GNAQ: variants seen among roughly 807,000 people sequenced by gnomAD.
GNAQ encodes G protein subunit alpha q.
Under a neutral mutation model 43.9 loss-of-function variants are expected in GNAQ, and 8 were observed. The observed-to-expected ratio is 0.18, with a 90% CI of 0.11 to 0.33. The LOEUF (loss-of-function observed/expected upper bound fraction) is 0.33, where lower values mean the gene tolerates loss of function less well. GNAQ is among the 10% of genes least tolerant of loss of function. GNAQ has a pLI of 1.00. For synonymous variants in GNAQ, 155 were observed against 170.7 expected, an observed-to-expected ratio of 0.91 and a Z score of 0.71; for missense variants, 158 against 450.8, an observed-to-expected ratio of 0.35 and a Z score of 5.88.
At position 77,937,615 on chromosome 9, in the gene GNAQ, G is replaced by A. The variant is rs1042412829; in HGVS notation, c.137-15270C>T. Among the ~76,000 whole-genome samples, 4 of 151,490 alleles carry A rather than the reference G, an allele frequency of 2.6e-5. 1 individual carries two copies. The highest frequency in any genetic ancestry group is 2.1e-4 in the South Asian group (1 of 4,778). ...TCACACTACTTAGAAAAGCTTGGCC[G>A]GGCACAGTGGCTCACGCCTGTAATC... On this transcript the variant is annotated intron_variant, in intron 1 of 6. Transcript: ENST00000286548.
rs1827001688 is a variant in GNAQ, at chr9:77,815,703, T to C, written c.389A>G (p.Asp130Gly). The change falls in exon 3 of 7, where the codon GAT becomes GGT. Residue 130 changes from aspartate (D) to glycine (G), a missense_variant. Coordinates refer to ENST00000286548, the MANE Select transcript of GNAQ (RefSeq NM_002072.5). ...ATCATTCCATAAACTCTTTATTGCA[T>C]CTACATATGGATTCTCAAAAGCAGA... is the stretch of plus-strand genomic sequence containing the variant. The part of the protein sequence containing the change: ...KVSAFENPYV[D>G]AIKSLWNDPG... 1.9e-6 allele frequency: 3 copies of C among 1,597,234 alleles called. No individual in the cohort carries two copies. The highest frequency in any genetic ancestry group is 3.3e-5 in the Admixed American group (2 of 59,942).
In GNAQ at chr9:77,990,396, A is replaced by T. The variant is rs529831414; in HGVS notation, c.136+40704T>A. Among the ~76,000 whole-genome samples, 11 of 152,146 alleles carry T rather than the reference A, an allele frequency of 7.2e-5. No individual in the cohort carries two copies. The East Asian group carries it at 1.5e-3, about 21-fold the overall frequency. On this transcript the variant is annotated intron_variant, in intron 1 of 6. Coordinates refer to ENST00000286548, the MANE Select transcript of GNAQ (RefSeq NM_002072.5). ...CATTATGGCCCATTAATTTTTAAAAATTTTTTTGTAGAGACAAGTCTCACT... is the reference window on the plus strand; with the variant it reads ...CATTATGGCCCATTAATTTTTAAAATTTTTTTTGTAGAGACAAGTCTCACT...
chr9:77,790,864 C>T (rs1425106504), intron 5 of GNAQ, among the ~76,000 whole-genome samples: 1 of 152,172 alleles, frequency 6.6e-6, no homozygotes, highest in Non-Finnish European at 1.5e-5. Context: ...GATCTGTCCC[C>T]GCCACGGTGA....
intron 2 of GNAQ, among the ~76,000 whole-genome samples, chr9:77,816,717 A>G (rs1366589221): frequency 6.6e-6 from 1 of 152,226 alleles, no homozygotes; most frequent in African/African-American, 2.4e-5. Context: ...TTACTGAAAC[A>G]ATCCTGATTT....
In GNAQ at chr9:77,717,796, A is replaced by G. The variant is rs1053525894; in HGVS notation, c.*3527T>C. Reference sequence around the variant, plus strand: ...CCTTTTGTAGTTGTCATCTGCTAGTAAACAACATATGCAGGTTCTTAAAAT... The same window carrying G: ...CCTTTTGTAGTTGTCATCTGCTAGTGAACAACATATGCAGGTTCTTAAAAT... On this transcript the variant is annotated 3_prime_UTR_variant, in exon 7 of 7. Transcript: ENST00000286548. 6.0e-5 allele frequency: 14 copies of G among 232,490 alleles called. No homozygotes were observed. In the South Asian group the frequency reaches 1.6e-3, roughly 27 times the overall value. 14.4% of individuals were successfully genotyped at this position (232,490 alleles called of 1,614,324 possible). A position where few individuals can be genotyped will look rare whatever the true frequency, so the allele number is the denominator to read the frequency against.
chr9:78,007,320 T>C (rs1424199867), intron 1 of GNAQ, among the ~76,000 whole-genome samples: 4 of 151,156 alleles, frequency 2.6e-5, no homozygotes, highest in Non-Finnish European at 4.4e-5. Flanking sequence ...CTTAAAAACC[T>C]TGACTAAAAT....
chr9:77,975,036 A>G (rs947903184), intron 1 of GNAQ, among the ~76,000 whole-genome samples: 2 of 152,198 alleles, frequency 1.3e-5, no homozygotes, highest in African/African-American at 4.8e-5. Context: ...CCTTGCTCAG[A>G]TGGCCCTTGG....
intron 1 of GNAQ, among the ~76,000 whole-genome samples, chr9:78,020,856 G>A (rs1823900109): frequency 6.6e-6 from 1 of 152,160 alleles, no homozygotes; most frequent in Non-Finnish European, 1.5e-5. Context: ...GCCCAACGCT[G>A]ATAAGTTGAT....
chr9:77,930,644 T>G (rs1001985403), intron 1 of GNAQ, among the ~76,000 whole-genome samples: 2 of 152,196 alleles, frequency 1.3e-5, no homozygotes, highest in African/African-American at 4.8e-5. Flanking sequence ...TATTTTGATG[T>G]GTGGTGTGCA....
chr9:77,766,459 G>T (rs1228675371), intron 5 of GNAQ, among the ~76,000 whole-genome samples: 1 of 152,166 alleles, frequency 6.6e-6, no homozygotes, highest in Admixed American at 6.5e-5. Flanking sequence ...CCAGGAGAAA[G>T]AAAATAAACT....
At chr9:77,772,688 T>C (rs1428386233) in intron 5 of GNAQ, among the ~76,000 whole-genome samples, 2 of 152,222 alleles carry the variant, frequency 1.3e-5, no homozygotes, top group Non-Finnish European at 2.9e-5. Context: ...ACCCTGGTTC[T>C]TCCTGGTTAC....
intron 2 of GNAQ, among the ~76,000 whole-genome samples, chr9:77,819,912 T>G (rs2118523046): frequency 6.6e-6 from 1 of 151,906 alleles, no homozygotes; most frequent in East Asian, 1.9e-4. Context: ...ACTAGCTGAC[T>G]GTCATCTTGT....
intron 1 of GNAQ, among the ~76,000 whole-genome samples, chr9:77,988,115 C>A (rs1448943096): frequency 6.6e-6 from 1 of 152,080 alleles, no homozygotes; most frequent in African/African-American, 2.4e-5. Context: ...GCAATGAGGA[C>A]AGAGCAGAGA....
At chr9:77,995,902 A>G (rs1435978695) in intron 1 of GNAQ, among the ~76,000 whole-genome samples, 2 of 152,236 alleles carry the variant, frequency 1.3e-5, no homozygotes, top group Non-Finnish European at 2.9e-5. Flanking sequence ...ACACAACTTG[A>G]TAAATTAAAT....
chr9:77,953,212 T>C (rs1823003107), intron 1 of GNAQ, among the ~76,000 whole-genome samples: 1 of 152,176 alleles, frequency 6.6e-6, no homozygotes, highest in Non-Finnish European at 1.5e-5. Context: ...ATCTGAAAGG[T>C]GCCCTCAGCA....
intron 1 of GNAQ, among the ~76,000 whole-genome samples, chr9:77,939,813 C>T (rs1829288597): frequency 6.6e-6 from 1 of 152,012 alleles, no homozygotes; most frequent in African/African-American, 2.4e-5. Flanking sequence ...TGAAACATGG[C>T]CATTGAACTC....
At chr9:77,770,447 G>A (rs1826206006) in intron 5 of GNAQ, among the ~76,000 whole-genome samples, 1 of 152,118 alleles carries the variant, frequency 6.6e-6, no homozygotes, top group Non-Finnish European at 1.5e-5. Flanking sequence ...GTGCCTGCCA[G>A]AATAAAAAAC....
rs1164760480 is a variant in GNAQ, at chr9:77,717,102, C to A, written c.*4221G>T. The A allele has an allele frequency of 8.6e-6, 2 of 232,480 alleles. No homozygotes were observed. Among genetic ancestry groups the A allele is most frequent in the East Asian group, 1.2e-4 (2 of 16,436 alleles). The allele number at this position is 232,480 out of a possible 1,614,324, so 14.4% of individuals were successfully genotyped here. ...GAACCAAAATGAAATCCCAAAGACA[C>A]AGTTACCAGGACAGATCTATTAACG... is the stretch of plus-strand genomic sequence containing the variant. On this transcript the variant is annotated 3_prime_UTR_variant, in exon 7 of 7. Coordinates refer to ENST00000286548, the MANE Select transcript of GNAQ (RefSeq NM_002072.5).
intron 5 of GNAQ, 122 bp downstream of exon 5, chr9:77,794,341 T>C (rs1826624620): frequency 3.1e-6 from 2 of 637,676 alleles, no homozygotes; most frequent in Admixed American, 6.6e-5. Context: ...TTAAAAGTCC[T>C]AAAATCAAAT....
Sources: allele counts gnomAD v4.1 joint callset (sites outside exome capture counted in the v4.1 genomes callset), GRCh38; gene constraint gnomAD v4.1.1; transcripts MANE v1.5; gene names NCBI Gene and HGNC (gene_info 2026-07-23, HGNC 2026-07-21).